Variants in CUX2 observed in about 807,000 individuals in gnomAD.
The protein encoded by CUX2 is cut like homeobox 2.
A neutral mutation model predicts 144.8 loss-of-function variants in CUX2; 40 were observed. The observed-to-expected ratio is 0.28, with a 90% confidence interval of 0.21 to 0.36. The LOEUF (loss-of-function observed/expected upper bound fraction) is 0.36. Ranked by LOEUF, CUX2 falls within the 10% of genes least tolerant of loss-of-function variation. CUX2 has a pLI of 1.00. For synonymous variants in CUX2, 827 were observed against 875.6 expected (o/e 0.94, Z 0.98); for missense variants, 1,615 against 1,994.0 (o/e 0.81, Z 3.62).
At chr12:111,299,787 C>T (rs377383253) in intron 9 of CUX2, among the ~76,000 whole-genome samples, 33 of 152,340 alleles carry the variant, frequency 2.2e-4, no homozygotes, top group Admixed American at 5.9e-4. Context: ...AGCTCTCCTC[C>T]GAGTTCTCCT....
chr12:111,342,539 G>A (rs1028873441), intron 21 of CUX2, among the ~76,000 whole-genome samples: 10 of 152,078 alleles, frequency 6.6e-5, no homozygotes, highest in Middle Eastern at 3.4e-3. Context: ...ATCACTTTCA[G>A]CTGTGGAGCC....
chr12:111,100,027 G>A, intron 1 of CUX2: 2 of 457,106 alleles, frequency 4.4e-6, no homozygotes, highest in Non-Finnish European at 8.8e-6. Flanking sequence ...ATTTGCCGGT[G>A]GTGCTGCTGA....
chr12:111,135,376 A>G (rs992035273), intron 1 of CUX2, among the ~76,000 whole-genome samples: 4 of 152,192 alleles, frequency 2.6e-5, no homozygotes, highest in Non-Finnish European at 5.9e-5. Flanking sequence ...GTGAACCACC[A>G]ATGCAAAATG....
rs567217339 is a variant in CUX2, at chr12:111,292,067, A to G, written c.436+515A>G. On this transcript the variant is annotated intron_variant, in intron 5 of 21. Transcript: ENST00000261726. ...AGTAAGTAAAACACAGGCTCACCAC[A>G]TGACCCAGCAGCGCCACGGCTAGGT... is the stretch of plus-strand genomic sequence containing the variant. Among the ~76,000 whole-genome samples the G allele has an allele frequency of 2.7e-3, 408 of 152,326 alleles. 1 individual carries two copies. Among genetic ancestry groups the G allele is most frequent in the African/African-American group, 9.0e-3 (376 of 41,572 alleles).
intron 1 of CUX2, among the ~76,000 whole-genome samples, chr12:111,162,746 C>T (rs1046150119): frequency 1.3e-5 from 2 of 152,298 alleles, no homozygotes; most frequent in Non-Finnish European, 1.5e-5. Flanking sequence ...AGACGAAGAG[C>T]ATAGAATTTG....
At chr12:111,072,075 C>T (rs1216866081) in intron 1 of CUX2, among the ~76,000 whole-genome samples, 1 of 152,136 alleles carries the variant, frequency 6.6e-6, no homozygotes, top group Admixed American at 6.5e-5. Flanking sequence ...CCTTCTCTTT[C>T]ATATTATGTT....
intron 1 of CUX2, among the ~76,000 whole-genome samples, chr12:111,195,110 C>G (rs1324538117): frequency 6.6e-6 from 1 of 152,226 alleles, no homozygotes; most frequent in African/African-American, 2.4e-5. Flanking sequence ...CACCTGCAGT[C>G]ACTGGTCCAC....
intron 14 of CUX2, among the ~76,000 whole-genome samples, chr12:111,309,598 C>T (rs750636669): frequency 1.1e-4 from 16 of 150,246 alleles, no homozygotes; most frequent in Non-Finnish European, 3.0e-5. Flanking sequence ...CCACCAACCC[C>T]TTCCCTCCTC....
intron 1 of CUX2, among the ~76,000 whole-genome samples, chr12:111,129,706 AATGC>A (rs1273926287): frequency 1.3e-5 from 2 of 152,308 alleles, no homozygotes; most frequent in African/African-American, 4.8e-5. Flanking sequence ...GCCCTCTAGG[AATGC>A]AGGATTACTT....
intron 3 of CUX2, among the ~76,000 whole-genome samples, chr12:111,240,318 C>G (rs913609338): frequency 3.4e-4 from 51 of 152,220 alleles, no homozygotes; most frequent in African/African-American, 1.2e-3. Context: ...GTGCTTCCCC[C>G]ACAAGGGCTA....
chr12:111,042,394 C>T (rs1423660637), intron 1 of CUX2, among the ~76,000 whole-genome samples: 1 of 152,132 alleles, frequency 6.6e-6, no homozygotes. Flanking sequence ...CTACGAGTGT[C>T]TATGGGTGCG....
Position 111,310,790 on chromosome 12 carries a change from C to A in CUX2, c.1900+108C>A. On this transcript the variant is annotated intron_variant, in intron 15 of 21. Coordinates refer to ENST00000261726, the MANE Select transcript of CUX2 (RefSeq NM_015267.4). This position sits in a 1 kb window ranked among gnomAD's most constrained non-coding sequence, Gnocchi z 7.9. ...TGGGTTCAAAGCCCAGCTCTACCAC[C>A]ACCTGGCTGTGTGACCCAGGGCCAG... The A allele has an allele frequency of 3.8e-6, 5 of 1,302,860 alleles. No individual in the cohort carries two copies. Among genetic ancestry groups the A allele is most frequent in the Non-Finnish European group, 5.1e-6 (5 of 973,430 alleles). The allele number at this position is 1,302,860 out of a possible 1,614,324, so 80.7% of individuals were successfully genotyped here. A position where few individuals can be genotyped will look rare whatever the true frequency, so the allele number is the denominator to read the frequency against.
chr12:111,164,664 C>T (rs1026325621), intron 1 of CUX2, among the ~76,000 whole-genome samples: 2 of 152,050 alleles, frequency 1.3e-5, no homozygotes, highest in Non-Finnish European at 2.9e-5. Context: ...GGATCAGCCC[C>T]CCAAGGTGTT....
At chr12:111,164,814 A>G (rs747166175) in intron 1 of CUX2, among the ~76,000 whole-genome samples, 10 of 152,176 alleles carry the variant, frequency 6.6e-5, no homozygotes, top group Non-Finnish European at 7.3e-5. Flanking sequence ...GTGATGTTAC[A>G]GTGTGGTCCA....
chr12:111,108,148 C>T (rs1231766242), intron 1 of CUX2, among the ~76,000 whole-genome samples: 1 of 152,158 alleles, frequency 6.6e-6, no homozygotes, highest in Non-Finnish European at 1.5e-5. Context: ...AATGTCCCTC[C>T]ATTTGAGAAT....
chr12:111,291,364 G>A lies in CUX2; in HGVS notation c.302-54G>A, dbSNP rs185914281. Reference sequence around the variant, plus strand: ...CTGCCAGGCCCTGCAGCCACAGCCCGGGTGTCCCTATCCATCAGGCCCTCA... The same window carrying A: ...CTGCCAGGCCCTGCAGCCACAGCCCAGGTGTCCCTATCCATCAGGCCCTCA... On this transcript the variant is annotated intron_variant, in intron 4 of 21. Transcript: ENST00000261726. The A allele has an allele frequency of 4.3e-4, 658 of 1,536,360 alleles. 3 individuals are homozygous for A. The African/African-American group carries it at 7.8e-3, about 18-fold the overall frequency.
chr12:111,303,461 C>G (rs1204200215), intron 9 of CUX2, among the ~76,000 whole-genome samples: 1 of 151,766 alleles, frequency 6.6e-6, no homozygotes. Context: ...CATGGTGAAA[C>G]CCCACCTCTA....
chr12:111,261,714 A>T (rs945208356), intron 3 of CUX2, among the ~76,000 whole-genome samples: 16 of 152,128 alleles, frequency 1.1e-4, no homozygotes, highest in African/African-American at 3.9e-4. Context: ...CAGCCTGGCC[A>T]ACATGGCGAA....
intron 3 of CUX2, among the ~76,000 whole-genome samples, chr12:111,250,838 A>G (rs1171960215): frequency 1.3e-5 from 2 of 152,164 alleles, no homozygotes; most frequent in African/African-American, 4.8e-5. Flanking sequence ...AAAACTGGAC[A>G]TAGATGCTTC....
Sources: allele counts gnomAD v4.1 joint callset (sites outside exome capture counted in the v4.1 genomes callset), GRCh38; gene constraint gnomAD v4.1.1; non-coding constraint Gnocchi (gnomAD v3.1); transcripts MANE v1.5; gene names NCBI Gene and HGNC (gene_info 2026-07-23, HGNC 2026-07-21).